The following NRXN1 variants were observed in gnomAD, a reference collection of about 807,000 sequenced individuals.
NRXN1 encodes neurexin 1, also known as neurexin-1.
NRXN1 carries 39 observed loss-of-function variants against 150.9 expected under a neutral mutation model. That is an observed-to-expected ratio of 0.26 (90% CI 0.20 to 0.34). The LOEUF (loss-of-function observed/expected upper bound fraction) is 0.34, where lower values mean the gene tolerates loss of function less well. NRXN1 is among the 10% of genes least tolerant of loss of function. The pLI, the probability that NRXN1 is intolerant of heterozygous loss-of-function variation, is 1.00. For missense variants in NRXN1, 1,815 were observed against 1,949.9 expected (o/e 0.93, Z 1.30); for synonymous variants, 924 against 757.0 (o/e 1.22, Z -3.62).
intron 17 of NRXN1, among the ~76,000 whole-genome samples, chr2:50,401,970 C>A (rs529199041): frequency 2.0e-4 from 30 of 152,104 alleles, no homozygotes; most frequent in Non-Finnish European, 4.0e-4. Flanking sequence ...TGGGAAGGGG[C>A]AGAAAAATCC....
In NRXN1 at chr2:50,472,313, C is replaced by T. The variant is rs1460279109; in HGVS notation, c.3229G>A (p.Glu1077Lys). 3 of 1,601,974 alleles carry T rather than the reference C, an allele frequency of 1.9e-6. No homozygotes were observed. The highest frequency in any genetic ancestry group is 1.3e-5 in the African/African-American group (1 of 74,414). ...SDALFCNGQI[E>K]RGCEGPSTTC... ...AATCTAATACCTTCACATCCTCTCT[C>T]GATCTGTCCGTTGCAGAAAAGAGCA... The change falls in exon 16 of 23, where the codon GAG becomes AAG. Residue 1077 changes from glutamate (E) to lysine (K), a missense_variant. By Grantham distance (56) the Glu-to-Lys change is moderately conservative. This residue lies in a region of NRXN1 where 339 missense variants were observed against 440.3 expected (regional missense o/e 0.77). Coordinates refer to ENST00000401669, the MANE Select transcript of NRXN1 (RefSeq NM_001330078.2).
At chr2:50,454,664 T>TCACACACACACA (rs3052512) in intron 17 of NRXN1, among the ~76,000 whole-genome samples, 89 of 140,812 alleles carry the variant, frequency 6.3e-4, no homozygotes, top group Middle Eastern at 3.7e-3. Context: ...TGGGCAAAGA[T>TCACACACACACA]CACACACACA....
chr2:50,084,287 C>T (rs1158709162), intron 19 of NRXN1, among the ~76,000 whole-genome samples: 4 of 152,182 alleles, frequency 2.6e-5, no homozygotes, highest in East Asian at 1.9e-4. Context: ...CACAGGAGCC[C>T]GTGGCGGGGG....
intron 8 of NRXN1, among the ~76,000 whole-genome samples, chr2:50,612,934 C>T (rs926759820): frequency 4.6e-5 from 7 of 152,148 alleles, no homozygotes; most frequent in African/African-American, 9.7e-5. Flanking sequence ...GGTAATCGAC[C>T]TCTGCATTTA....
intron 13 of NRXN1, among the ~76,000 whole-genome samples, chr2:50,501,892 T>TA (rs2091968077): frequency 6.6e-6 from 1 of 152,150 alleles, no homozygotes; most frequent in Non-Finnish European, 1.5e-5. Context: ...TTAATAGAAT[T>TA]ACGATAAAAC....
At chr2:50,401,149 C>CAAATGTT (rs2082363871) in intron 17 of NRXN1, among the ~76,000 whole-genome samples, 1 of 152,088 alleles carries the variant, frequency 6.6e-6, no homozygotes, top group Non-Finnish European at 1.5e-5. Context: ...ATATTAGATA[C>CAAATGTT]CAAGCGCTTT....
chr2:50,933,304 G>A (rs1688046679), intron 2 of NRXN1, among the ~76,000 whole-genome samples: 1 of 152,052 alleles, frequency 6.6e-6, no homozygotes, highest in South Asian at 2.1e-4. Flanking sequence ...TATTTTGGTA[G>A]GTGAGACAAT....
chr2:50,372,621 A>G (rs1287307294), intron 17 of NRXN1, among the ~76,000 whole-genome samples: 1 of 152,116 alleles, frequency 6.6e-6, no homozygotes. Context: ...TAGAGTATAA[A>G]GTTTTTCTAT....
intron 18 of NRXN1, among the ~76,000 whole-genome samples, chr2:50,196,826 A>C (rs1360126670): frequency 1.3e-5 from 2 of 152,188 alleles, no homozygotes; most frequent in Non-Finnish European, 2.9e-5. Flanking sequence ...CAAATACTGC[A>C]TGTTCTCACT....
At chr2:51,026,505 T>G (rs1670498533) in intron 2 of NRXN1, 1 of 1,357,784 alleles carries the variant, frequency 7.4e-7, no homozygotes, top group South Asian at 1.2e-5. Flanking sequence ...GTATGACTTT[T>G]GTAGTTTAAT....
chr2:50,555,250 G>C (rs752028606), intron 8 of NRXN1, among the ~76,000 whole-genome samples: 10 of 152,142 alleles, frequency 6.6e-5, no homozygotes, highest in Non-Finnish European at 1.5e-4. Context: ...TCTTATAATA[G>C]AACCACTGTA....
At chr2:50,723,426 A>C (rs944685306) in intron 5 of NRXN1, among the ~76,000 whole-genome samples, 1 of 152,176 alleles carries the variant, frequency 6.6e-6, no homozygotes, top group African/African-American at 2.4e-5. Flanking sequence ...GACTAGCTAC[A>C]TTACCCATGC....
chr2:50,614,085 T>C (rs1002607820), intron 8 of NRXN1, among the ~76,000 whole-genome samples: 1 of 151,984 alleles, frequency 6.6e-6, no homozygotes, highest in Non-Finnish European at 1.5e-5. Context: ...GGATGAGGCA[T>C]ATGGGAAGGT....
In NRXN1 at chr2:49,992,374, C is replaced by T. The variant is rs1682122920; in HGVS notation, c.4129-48583G>A. Among the ~76,000 whole-genome samples the T allele has an allele frequency of 4.2e-5, 6 of 142,722 alleles. No individual in the cohort carries two copies. The South Asian group carries it at 1.4e-3, about 33-fold the overall frequency. 93.6% of individuals were successfully genotyped at this position (142,722 alleles called of 152,430 possible). A position where few individuals can be genotyped will look rare whatever the true frequency, so the allele number is the denominator to read the frequency against. The stretch of plus-strand genomic sequence containing the variant: ...ACAACATGGTGAAACTCCGTCTCTA[C>T]TAAAATACAAACAAAAAAAAAACAC... On this transcript the variant is annotated intron_variant, in intron 21 of 22. Coordinates refer to ENST00000401669, the MANE Select transcript of NRXN1 (RefSeq NM_001330078.2).
At chr2:50,245,277 A>G (rs2152891301) in intron 17 of NRXN1, among the ~76,000 whole-genome samples, 1 of 152,078 alleles carries the variant, frequency 6.6e-6, no homozygotes, top group Middle Eastern at 3.4e-3. Context: ...ACAGGTAAGT[A>G]GTAGAACTTT....
chr2:50,086,126 G>C (rs1004942403), intron 19 of NRXN1, among the ~76,000 whole-genome samples: 9 of 152,066 alleles, frequency 5.9e-5, no homozygotes, highest in African/African-American at 2.2e-4. Context: ...ATCATGTAAG[G>C]TAGATTGCTT....
rs543344976 is a variant in NRXN1, at chr2:50,592,118, T to C, written c.1320+27904A>G. 8.7e-4 allele frequency among the ~76,000 whole-genome samples: 132 copies of C among 152,358 alleles called. 1 individual carries two copies. Among genetic ancestry groups the C allele is most frequent in the African/African-American group, 3.0e-3 (125 of 41,588 alleles). The stretch of plus-strand genomic sequence containing the variant: ...TTCACTCTTTGCATGCGGCATCTCA[T>C]TTAATCCTCACTATAAACTGTGCTT... On this transcript the variant is annotated intron_variant, in intron 8 of 22. Coordinates refer to ENST00000401669, the MANE Select transcript of NRXN1 (RefSeq NM_001330078.2).
chr2:50,142,808 G>A (rs570646988), intron 18 of NRXN1, among the ~76,000 whole-genome samples: 1 of 151,878 alleles, frequency 6.6e-6, no homozygotes, highest in South Asian at 2.1e-4. Context: ...CTTAAGAGGT[G>A]TGGCATTAAG....
chr2:50,473,513 A>C (rs2089712148), intron 15 of NRXN1, among the ~76,000 whole-genome samples: 1 of 152,050 alleles, frequency 6.6e-6, no homozygotes, highest in Admixed American at 6.6e-5. Flanking sequence ...CTCAAAATTC[A>C]GTAATATGCT....
Sources: gnomAD v4.1 joint callset for allele counts (sites outside exome capture counted in the v4.1 genomes callset) on GRCh38, gnomAD v4.1.1 for gene constraint, gnomAD v4.1.1 regional missense constraint, MANE v1.5 for transcripts, NCBI Gene and HGNC (gene_info 2026-07-23, HGNC 2026-07-21) for gene names.